Variants in SRPK2 observed in about 807,000 individuals in gnomAD.
The protein encoded by SRPK2 is SRSF protein kinase 2.
SRPK2 carries 21 observed loss-of-function variants against 90.8 expected under a neutral mutation model. The ratio of observed to expected loss-of-function variants is 0.23; its 90% CI spans 0.16 to 0.33. SRPK2 has a LOEUF of 0.33. Ranked by LOEUF, SRPK2 falls within the 10% of genes least tolerant of loss-of-function variation. The pLI is 1.00. For synonymous variants in SRPK2, 288 were observed against 311.1 expected (o/e 0.93, Z 0.78); for missense variants, 620 against 869.0 (o/e 0.71, Z 3.60).
At chr7:105,376,894 C>A (rs1563307844) in intron 2 of SRPK2, among the ~76,000 whole-genome samples, 1 of 139,504 alleles carries the variant, frequency 7.2e-6, no homozygotes, top group African/African-American at 2.7e-5. Context: ...CACACACACA[C>A]ACACACACAC....
intron 3 of SRPK2, among the ~76,000 whole-genome samples, chr7:105,193,162 T>A (rs1794515840): frequency 6.6e-6 from 1 of 152,192 alleles, no homozygotes; most frequent in Non-Finnish European, 1.5e-5. Context: ...CTAATAATGT[T>A]TATAGTTTCA....
intron 2 of SRPK2, among the ~76,000 whole-genome samples, chr7:105,316,206 G>A (rs1330790895): frequency 1.3e-5 from 2 of 152,062 alleles, no homozygotes; most frequent in Non-Finnish European, 2.9e-5. Context: ...TGTATTTTTA[G>A]TAGAGACTCA....
chr7:105,173,099 C>T (rs1041993093), intron 3 of SRPK2, among the ~76,000 whole-genome samples: 6 of 151,634 alleles, frequency 4.0e-5, no homozygotes, highest in Non-Finnish European at 5.9e-5. Context: ...TATAAAAAGG[C>T]AAATTACACA....
intron 2 of SRPK2, among the ~76,000 whole-genome samples, chr7:105,382,944 G>A (rs2132694852): frequency 6.7e-6 from 1 of 150,178 alleles, no homozygotes; most frequent in African/African-American, 2.5e-5. Context: ...TTTCAACAAT[G>A]TTCTATGGTT....
chr7:105,165,438 T>C (rs899839509), intron 6 of SRPK2, among the ~76,000 whole-genome samples: 1 of 152,224 alleles, frequency 6.6e-6, no homozygotes, highest in African/African-American at 2.4e-5. Flanking sequence ...CTTTTCTGTC[T>C]AGCTAGAGGA....
intron 2 of SRPK2, among the ~76,000 whole-genome samples, chr7:105,385,178 T>TC: frequency 2.4e-5 from 1 of 42,292 alleles, no homozygotes; most frequent in Non-Finnish European, 6.1e-5. Context: ...GGCATTTTTT[T>TC]TTTTTTTTTT....
chr7:105,150,455 A>C (rs888144689), intron 7 of SRPK2, among the ~76,000 whole-genome samples: 2 of 152,244 alleles, frequency 1.3e-5, no homozygotes, highest in African/African-American at 4.8e-5. Context: ...GGCGGAGGTC[A>C]CAGTGAGCTG....
intron 7 of SRPK2, among the ~76,000 whole-genome samples, chr7:105,150,036 G>A (rs1043364283): frequency 2.6e-5 from 4 of 151,850 alleles, no homozygotes; most frequent in African/African-American, 9.7e-5. Context: ...AGTATGACGG[G>A]TGGGGTAATT....
intron 3 of SRPK2, among the ~76,000 whole-genome samples, chr7:105,191,874 A>C (rs1794326288): frequency 6.8e-6 from 1 of 148,058 alleles, no homozygotes; most frequent in Non-Finnish European, 1.5e-5. Context: ...AAAAAAAAAC[A>C]AAAAAAACTT....
At chr7:105,226,002 T>C (rs1420227046) in intron 2 of SRPK2, among the ~76,000 whole-genome samples, 1 of 152,206 alleles carries the variant, frequency 6.6e-6, no homozygotes, top group Non-Finnish European at 1.5e-5. Flanking sequence ...TACTGAACAA[T>C]GCTGCTTAGA....
chr7:105,270,671 A>T (rs762551101), intron 2 of SRPK2, among the ~76,000 whole-genome samples: 2 of 151,502 alleles, frequency 1.3e-5, no homozygotes, highest in Non-Finnish European at 2.9e-5. Context: ...AGCCTCCCAA[A>T]GTGCTGGGAT....
chr7:105,159,841 CAACT>C (rs1434733449), intron 7 of SRPK2, among the ~76,000 whole-genome samples: 2 of 152,236 alleles, frequency 1.3e-5, no homozygotes, highest in East Asian at 3.9e-4. Flanking sequence ...TACTGAGGTA[CAACT>C]GACAATAAAA....
At chr7:105,375,735 T>C (rs1820200574) in intron 2 of SRPK2, among the ~76,000 whole-genome samples, 1 of 152,142 alleles carries the variant, frequency 6.6e-6, no homozygotes, top group African/African-American at 2.4e-5. Flanking sequence ...TCCACAATCC[T>C]TGGGACCAGA....
rs1364161960 is a variant in SRPK2, at chr7:105,243,051, CACTCAGGCTGGGGTACACTA to C, written c.72-39286_72-39267del. 7.2e-5 allele frequency among the ~76,000 whole-genome samples: 11 copies of C among 152,176 alleles called. No individual in the cohort carries two copies. In the East Asian group the frequency reaches 1.9e-3, roughly 27 times the overall value. On this transcript the variant is annotated intron_variant, in intron 2 of 15. Coordinates refer to ENST00000393651, the MANE Select transcript of SRPK2 (RefSeq NM_182692.3). ...TTTTAGAGACACGGTCTCACTCTGTCACTCAGGCTGGGGTACACTAACTCACCGTAGACTCCAACTCCTGG... is the reference window on the plus strand; with the variant it reads ...TTTTAGAGACACGGTCTCACTCTGTCACTCACCGTAGACTCCAACTCCTGG...
chr7:105,167,557 T>C, intron 5 of SRPK2, 93 bp from the exon 6 acceptor site: 1 of 645,430 alleles, frequency 1.5e-6, no homozygotes, highest in African/African-American at 1.9e-5. Context: ...TAAAAGTATA[T>C]TTTAAAATAA....
chr7:105,308,936 C>A (rs1335393581), intron 2 of SRPK2, among the ~76,000 whole-genome samples: 1 of 152,112 alleles, frequency 6.6e-6, no homozygotes, highest in South Asian at 2.1e-4. Flanking sequence ...CTTTCCTAAT[C>A]CTCAACCCAC....
At chr7:105,376,239 C>T (rs1248264234) in intron 2 of SRPK2, among the ~76,000 whole-genome samples, 3 of 151,598 alleles carry the variant, frequency 2.0e-5, no homozygotes, top group African/African-American at 7.3e-5. Flanking sequence ...CCTTGTGATC[C>T]GCCCGCCTTG....
At chr7:105,377,903 T>C (rs1048534835) in intron 2 of SRPK2, among the ~76,000 whole-genome samples, 4 of 152,150 alleles carry the variant, frequency 2.6e-5, no homozygotes, top group African/African-American at 9.7e-5. Context: ...GGCCCCTTAA[T>C]ATACATCAGT....
chr7:105,150,602 A>G (rs1728525574), intron 7 of SRPK2, among the ~76,000 whole-genome samples: 1 of 152,248 alleles, frequency 6.6e-6, no homozygotes, highest in Non-Finnish European at 1.5e-5. Flanking sequence ...CATGGAGAAC[A>G]TGGTTATACT....
Sources: gnomAD v4.1 joint callset for allele counts (sites outside exome capture counted in the v4.1 genomes callset) on GRCh38, gnomAD v4.1.1 for gene constraint, MANE v1.5 for transcripts, NCBI Gene and HGNC (gene_info 2026-07-23, HGNC 2026-07-21) for gene names.